Variants in MDH2 observed in about 807,000 individuals in gnomAD.
MDH2 encodes the protein malate dehydrogenase 2.
Under a neutral mutation model 33.6 loss-of-function variants are expected in MDH2, and 25 were observed. The observed-to-expected ratio is 0.74, with a 90% CI of 0.54 to 1.04. The LOEUF (loss-of-function observed/expected upper bound fraction) is 1.04. Ranked by LOEUF, MDH2 falls within the 50% of genes least tolerant of loss-of-function variation. MDH2 has a pLI of 0.00. For synonymous variants in MDH2, 193 were observed against 188.7 expected, an observed-to-expected ratio of 1.02 and a Z score of -0.19; for missense variants, 432 against 445.0, an observed-to-expected ratio of 0.97 and a Z score of 0.26.
intron 4 of MDH2, among the ~76,000 whole-genome samples, chr7:76,059,725 T>G (rs566228259): frequency 5.9e-5 from 9 of 152,234 alleles, no homozygotes; most frequent in African/African-American, 1.9e-4. Flanking sequence ...CCTCTAAGGG[T>G]CCTGCGTTCC....
At position 76,048,195 on chromosome 7, in the gene MDH2, C is replaced by T. The variant is rs1554584472; in HGVS notation, c.35C>T (p.Ala12Val). 2.6e-6 allele frequency: 4 copies of T among 1,536,572 alleles called. No individual in the cohort carries two copies. The highest frequency in any genetic ancestry group is 3.5e-6 in the Non-Finnish European group (4 of 1,146,926). ...LSALARPASA[A>V]LRRSFSTSAQ... ...GCCCTCGCCCGGCCTGCCAGCGCTG[C>T]TCTCCGCCGCAGCTTCAGCACCTCG... The change falls in exon 1 of 9, where the codon GCT (alanine) becomes GTT (valine). Residue 12 changes from alanine to valine, a missense_variant. By Grantham distance (64) the Ala-to-Val change is moderately conservative. Transcript: ENST00000315758.
chr7:76,048,254 G>A lies in MDH2; in HGVS notation c.66+28G>A, dbSNP rs1467053027. The A allele has an allele frequency of 2.0e-6, 3 of 1,529,134 alleles. No homozygotes were observed. In the African/African-American group the frequency reaches 4.1e-5, roughly 21 times the overall value. The allele number at this position is 1,529,134 out of a possible 1,614,324, so 94.7% of individuals were successfully genotyped here. A position where few individuals can be genotyped will look rare whatever the true frequency, so the allele number is the denominator to read the frequency against. ...AGGCCAGACGAGGGGCGGCCTGCAG[G>A]CGGAGGCCCCCCGGCCCGGGCCACG... On this transcript the variant is annotated intron_variant, in intron 1 of 8. Transcript: ENST00000315758.
At chr7:76,061,565 A>C (rs983789799) in intron 5 of MDH2, among the ~76,000 whole-genome samples, 1 of 151,998 alleles carries the variant, frequency 6.6e-6, no homozygotes, top group East Asian at 1.9e-4. Context: ...GCTTGAACCC[A>C]GGAGTTCAAG....
intron 5 of MDH2, among the ~76,000 whole-genome samples, chr7:76,060,916 G>C (rs1166551307): frequency 6.6e-6 from 1 of 151,900 alleles, no homozygotes; most frequent in Non-Finnish European, 1.5e-5. Flanking sequence ...AAGAACTGAG[G>C]AAAGTGCCAG....
intron 1 of MDH2, among the ~76,000 whole-genome samples, chr7:76,052,303 G>C (rs930766748): frequency 2.6e-5 from 4 of 151,984 alleles, no homozygotes; most frequent in African/African-American, 7.3e-5. Flanking sequence ...AAAATGAGTG[G>C]TGTGTACCTG....
chr7:76,055,406 A>T (rs1797741306), intron 2 of MDH2, among the ~76,000 whole-genome samples: 1 of 151,964 alleles, frequency 6.6e-6, no homozygotes, highest in Admixed American at 6.6e-5. Context: ...CGTCTGTGGA[A>T]GGCAGTGTCG....
chr7:76,064,546 T>C, intron 7 of MDH2, 108 bp downstream of exon 7: 2 of 1,080,268 alleles, frequency 1.9e-6, no homozygotes, highest in South Asian at 1.6e-5. Flanking sequence ...CTTTTCAGTG[T>C]TGATTTGCAG....
chr7:76,054,850 G>T lies in MDH2; in HGVS notation c.87G>T (p.Val29=), dbSNP rs782461596. ...TSAQNNAKVA[V]LGASGGIGQP... is the part of the protein sequence containing the mutation. ...TTTAGAACAATGCTAAAGTAGCTGT[G>T]CTAGGGGCCTCTGGAGGCATCGGGC... is the stretch of plus-strand genomic sequence containing the variant. Residue 29 remains valine (V), a synonymous_variant, in exon 2 of 9, where the codon GTG becomes GTT. Transcript: ENST00000315758. 9.3e-6 allele frequency: 15 copies of T among 1,613,980 alleles called. No homozygotes were observed. The South Asian group carries it at 1.4e-4, about 15-fold the overall frequency.
At chr7:76,050,794 G>A (rs372329061) in intron 1 of MDH2, among the ~76,000 whole-genome samples, 1 of 152,320 alleles carries the variant, frequency 6.6e-6, no homozygotes, top group Non-Finnish European at 1.5e-5. Flanking sequence ...GGTCGGGGAT[G>A]ACACCAAGGT....
chr7:76,065,044 A>T, intron 8 of MDH2, 91 bp downstream of exon 8: 1 of 1,479,856 alleles, frequency 6.8e-7, no homozygotes, highest in Non-Finnish European at 9.3e-7. Flanking sequence ...CCCTTTATGC[A>T]GTAAGCTCAT....
intron 4 of MDH2, among the ~76,000 whole-genome samples, chr7:76,058,591 A>AT (rs782509633): frequency 2.2e-4 from 34 of 152,204 alleles, no homozygotes; most frequent in Admixed American, 1.3e-4. Context: ...ACAGTAAGAG[A>AT]TTAACAACAA....
At chr7:76,063,793 C>G (rs1224845208) in intron 6 of MDH2, among the ~76,000 whole-genome samples, 1 of 152,196 alleles carries the variant, frequency 6.6e-6, no homozygotes, top group Non-Finnish European at 1.5e-5. Flanking sequence ...GCTCAGGGCC[C>G]AGCTCCAGCA....
chr7:76,062,961 A>T (rs1420234959), intron 5 of MDH2, among the ~76,000 whole-genome samples: 2 of 152,190 alleles, frequency 1.3e-5, no homozygotes, highest in Non-Finnish European at 2.9e-5. Flanking sequence ...CAGTTTAAGA[A>T]ATGAGGCAGC....
rs145825189 is a variant in MDH2 at position 76,061,342 on chromosome 7, C to G, written c.555+844C>G. ...ATCTGCTTCTGAGGAGTTAGAGATGCCCCACTGTAACAGACATGGCAGCAC... is the reference window on the plus strand; with the variant it reads ...ATCTGCTTCTGAGGAGTTAGAGATGGCCCACTGTAACAGACATGGCAGCAC... On this transcript the variant is annotated intron_variant, in intron 5 of 8. Transcript: ENST00000315758. Among the ~76,000 whole-genome samples the G allele has an allele frequency of 2.0e-5, 3 of 152,270 alleles. No homozygotes were observed. In the East Asian group the frequency reaches 5.8e-4, roughly 29 times the overall value.
At chr7:76,055,475 C>T (rs1047657488) in intron 2 of MDH2, among the ~76,000 whole-genome samples, 2 of 151,998 alleles carry the variant, frequency 1.3e-5, no homozygotes, top group Admixed American at 6.6e-5. Flanking sequence ...GTGGCTTATA[C>T]CTGTAATCCC....
chr7:76,062,558 A>G (rs1442394424), intron 5 of MDH2, among the ~76,000 whole-genome samples: 1 of 152,200 alleles, frequency 6.6e-6, no homozygotes, highest in African/African-American at 2.4e-5. Flanking sequence ...GGCCATGGCC[A>G]TCGGGGCAGG....
At chr7:76,052,616 T>C (rs978264051) in intron 1 of MDH2, among the ~76,000 whole-genome samples, 2 of 148,048 alleles carry the variant, frequency 1.4e-5, no homozygotes, top group African/African-American at 5.0e-5. Context: ...CAGGCTGGAG[T>C]GCAGTGGTGT....
intron 7 of MDH2, 43 bp from the exon 8 acceptor site, chr7:76,064,759 C>T (rs377210638): frequency 1.5e-5 from 23 of 1,582,082 alleles, no homozygotes; most frequent in African/African-American, 2.7e-5. Context: ...CTGGGCGTCA[C>T]GTTTGTGGCA....
rs1554588136 is a variant in MDH2, at chr7:76,067,479, AAAAT to A, written c.*1073_*1076del. The A allele has an allele frequency of 1.3e-5, 2 of 152,246 alleles. No homozygotes were observed. Among genetic ancestry groups the A allele is most frequent in the Non-Finnish European group, 1.5e-5 (1 of 68,044 alleles). The allele number at this position is 152,246 out of a possible 1,614,324, so 9.4% of individuals were successfully genotyped here. ...TGTATAAAACCCAAAAAGCAGCTAA[AAAAT>A]AAAGCGGGAAAGGAACTACTGGTAA... On this transcript the variant is annotated 3_prime_UTR_variant, in exon 9 of 9. Coordinates refer to ENST00000315758, the MANE Select transcript of MDH2 (RefSeq NM_005918.4).
Sources: gnomAD v4.1 joint callset for allele counts (sites outside exome capture counted in the v4.1 genomes callset) on GRCh38, gnomAD v4.1.1 for gene constraint, MANE v1.5 for transcripts, NCBI Gene and HGNC (gene_info 2026-07-23, HGNC 2026-07-21) for gene names.